C3orf49: variants seen among roughly 807,000 people sequenced by gnomAD.
C3orf49 encodes chromosome 3 open reading frame 49.
A neutral mutation model predicts 13.3 loss-of-function variants in C3orf49; 27 were observed. The ratio of observed to expected loss-of-function variants is 2.02; its 90% CI spans 1.49 to 2.79. C3orf49 has a LOEUF of 2.79. C3orf49 is among the 30% of genes most tolerant of loss of function. The pLI, the probability that C3orf49 is intolerant of heterozygous loss-of-function variation, is 0.00. For missense variants in C3orf49, 242 were observed against 134.2 expected, an observed-to-expected ratio of 1.80 and a Z score of -3.97; for synonymous variants, 87 against 47.6, an observed-to-expected ratio of 1.83 and a Z score of -3.40.
the C3orf49 span, among the ~76,000 whole-genome samples, chr3:63,786,598 GAA>G: frequency 2.6e-5 from 4 of 152,206 alleles, no homozygotes; most frequent in Non-Finnish European, 4.4e-5. Context: ...CTGTTCATCT[GAA>G]TTTGTATGTG....
At chr3:63,822,133 G>A (rs1575795610) in intron 1 of C3orf49, among the ~76,000 whole-genome samples, 3 of 151,982 alleles carry the variant, frequency 2.0e-5, no homozygotes, top group East Asian at 1.9e-4. Flanking sequence ...CCGCCACCAC[G>A]CCTAACTAAT....
At chr3:63,787,812 AC>A in the C3orf49 span, among the ~76,000 whole-genome samples, 1 of 152,212 alleles carries the variant, frequency 6.6e-6, no homozygotes, top group Non-Finnish European at 1.5e-5. Flanking sequence ...CCACAAAATA[AC>A]AATGGCAACC....
chr3:63,841,257 A>G (rs72888300), intron 5 of C3orf49, among the ~76,000 whole-genome samples: 6,214 of 152,282 alleles, frequency 0.041, 297 homozygotes, highest in African/African-American at 0.11. Flanking sequence ...TTCAGAGACT[A>G]TCCTTGGACA....
chr3:63,826,507 C>T (rs1559599188), intron 2 of C3orf49, among the ~76,000 whole-genome samples: 1 of 152,092 alleles, frequency 6.6e-6, no homozygotes, highest in Non-Finnish European at 1.5e-5. Flanking sequence ...GCATCATTCA[C>T]TAATATAAGG....
the C3orf49 span, among the ~76,000 whole-genome samples, chr3:63,780,978 A>C: frequency 6.6e-6 from 1 of 151,522 alleles, no homozygotes; most frequent in Non-Finnish European, 1.5e-5. Context: ...TGCTGTGCAG[A>C]AGCTCTTTAG....
intron 5 of C3orf49, among the ~76,000 whole-genome samples, chr3:63,843,359 C>T (rs572873511): frequency 6.6e-6 from 1 of 151,510 alleles, no homozygotes; most frequent in Non-Finnish European, 1.5e-5. Context: ...CTCAAATGAT[C>T]CGCCTACCTC....
chr3:63,798,254 C>G, the C3orf49 span, among the ~76,000 whole-genome samples: 1 of 152,074 alleles, frequency 6.6e-6, no homozygotes, highest in Non-Finnish European at 1.5e-5. Context: ...CATGGAGCAT[C>G]TGGTAAACTG....
At chr3:63,841,395 C>A (rs1030853777) in intron 5 of C3orf49, among the ~76,000 whole-genome samples, 7 of 152,160 alleles carry the variant, frequency 4.6e-5, no homozygotes, top group African/African-American at 1.7e-4. Context: ...TTTTATAGTA[C>A]GCAGTAATTA....
the C3orf49 span, among the ~76,000 whole-genome samples, chr3:63,795,497 C>T: frequency 6.6e-6 from 1 of 152,160 alleles, no homozygotes; most frequent in South Asian, 2.1e-4. Flanking sequence ...CTTGCAGTCA[C>T]GACCCTCTAC....
the C3orf49 span, among the ~76,000 whole-genome samples, chr3:63,812,601 GTTGTGAATAATACAGTTTGGCTC>G: frequency 1.3e-5 from 2 of 151,858 alleles, no homozygotes; most frequent in African/African-American, 4.8e-5. Context: ...TTTTTTTGTT[GTTGTGAATAATACAGTTTGGCTC>G]TTTTCCAATT....
the C3orf49 span, among the ~76,000 whole-genome samples, chr3:63,792,350 A>G: frequency 6.6e-6 from 1 of 152,244 alleles, no homozygotes; most frequent in African/African-American, 2.4e-5. Flanking sequence ...TTCCACAATT[A>G]TATAGCTACT....
chr3:63,846,166 T>C, intron 6 of C3orf49: 1 of 441,252 alleles, frequency 2.3e-6, no homozygotes, highest in Non-Finnish European at 4.5e-6. Context: ...CCTGAATATT[T>C]ACAATCTACT....
At chr3:63,804,248 T>C in the C3orf49 span, among the ~76,000 whole-genome samples, 3 of 152,104 alleles carry the variant, frequency 2.0e-5, no homozygotes, top group Non-Finnish European at 4.4e-5. Flanking sequence ...CCCTTTCTTA[T>C]AGTGAACAAT....
the C3orf49 span, among the ~76,000 whole-genome samples, chr3:63,811,557 C>CA: frequency 7.4e-6 from 1 of 135,336 alleles, no homozygotes; most frequent in African/African-American, 2.7e-5. Flanking sequence ...GGCTCTGTGT[C>CA]AAAAAACAAA....
intron 5 of C3orf49, among the ~76,000 whole-genome samples, chr3:63,837,436 GTATACTCTAAC>G (rs1701658598): frequency 6.6e-6 from 1 of 151,844 alleles, no homozygotes; most frequent in Admixed American, 6.6e-5. Flanking sequence ...CTACATAAGG[GTATACTCTAAC>G]TTAAAAACAA....
At chr3:63,811,024 T>G in the C3orf49 span, among the ~76,000 whole-genome samples, 1 of 152,084 alleles carries the variant, frequency 6.6e-6, no homozygotes, top group South Asian at 2.1e-4. Flanking sequence ...AATTTTGTAT[T>G]TTCAGTAGAG....
At chr3:63,805,956 T>C in the C3orf49 span, among the ~76,000 whole-genome samples, 2 of 152,200 alleles carry the variant, frequency 1.3e-5, no homozygotes, top group African/African-American at 4.8e-5. Context: ...TTTGTTTTTT[T>C]ATACTTTAAA....
chr3:63,789,614 C>T, the C3orf49 span, among the ~76,000 whole-genome samples: 1 of 151,746 alleles, frequency 6.6e-6, no homozygotes, highest in African/African-American at 2.4e-5. Flanking sequence ...AGTTCAAGAC[C>T]GTCCTGGCCA....
At chr3:63,803,094 C>T in the C3orf49 span, among the ~76,000 whole-genome samples, 2 of 152,188 alleles carry the variant, frequency 1.3e-5, no homozygotes, top group Non-Finnish European at 2.9e-5. Flanking sequence ...AGCCTCATAA[C>T]AGACCTCTCC....
Sources: allele counts gnomAD v4.1 joint callset (sites outside exome capture counted in the v4.1 genomes callset), GRCh38; gene constraint gnomAD v4.1.1; transcripts MANE v1.5; gene names NCBI Gene and HGNC (gene_info 2026-07-23, HGNC 2026-07-21).